The following DOCK1 variants were observed in gnomAD, a reference collection of about 807,000 sequenced individuals.
The protein encoded by DOCK1 is dedicator of cytokinesis protein 1.
In DOCK1, 138 loss-of-function variants were observed where a neutral mutation model predicts 262.7. The observed-to-expected ratio is 0.53, with a 90% CI of 0.46 to 0.61. The LOEUF is 0.61. Ranked by LOEUF, DOCK1 falls within the 20% of genes least tolerant of loss-of-function variation. DOCK1 has a pLI of 0.00. For synonymous variants in DOCK1, 866 were observed against 867.4 expected (o/e 1.00, Z 0.03); for missense variants, 1,908 against 2,370.7 (o/e 0.80, Z 4.05).
intron 1 of DOCK1, among the ~76,000 whole-genome samples, chr10:126,923,625 AAAC>A (rs1393910477): frequency 1.3e-5 from 2 of 152,228 alleles, no homozygotes; most frequent in African/African-American, 4.8e-5. Context: ...CTCTGTTTCA[AAAC>A]AACAACAAAA....
chr10:127,102,775 A>C (rs1412018310), intron 23 of DOCK1, among the ~76,000 whole-genome samples: 4 of 152,176 alleles, frequency 2.6e-5, no homozygotes, highest in Non-Finnish European at 5.9e-5. Flanking sequence ...GGGGGGTGGA[A>C]GTTGTAGTGA....
Position 127,238,658 on chromosome 10 carries a change from A to G in DOCK1, c.2848-9350A>G, listed in dbSNP as rs565997002. On this transcript the variant is annotated intron_variant, in intron 27 of 51. Coordinates refer to ENST00000623213, the MANE Select transcript of DOCK1 (RefSeq NM_001290223.2). ...TCATTTTGATATTCAGATTGTCTCAAGCATCCCACACGTGGCCAGGGGAGC... is the reference window on the plus strand; with the variant it reads ...TCATTTTGATATTCAGATTGTCTCAGGCATCCCACACGTGGCCAGGGGAGC... Among the ~76,000 whole-genome samples the G allele has an allele frequency of 3.6e-4, 55 of 152,222 alleles. No individual in the cohort carries two copies. In the South Asian group the frequency reaches 0.01, roughly 29 times the overall value.
At chr10:127,150,882 T>A (rs2052421184) in intron 27 of DOCK1, among the ~76,000 whole-genome samples, 2 of 152,222 alleles carry the variant, frequency 1.3e-5, no homozygotes, top group South Asian at 4.1e-4. Flanking sequence ...TCATGGCAGA[T>A]CATTTGAAAC....
At chr10:127,332,458 C>G (rs1564998959) in intron 29 of DOCK1, among the ~76,000 whole-genome samples, 1 of 152,188 alleles carries the variant, frequency 6.6e-6, no homozygotes, top group South Asian at 2.1e-4. Context: ...GCTCCTGACC[C>G]CAGAGGTCCC....
chr10:127,444,970 A>G (rs1208735524), intron 50 of DOCK1, among the ~76,000 whole-genome samples: 3 of 151,580 alleles, frequency 2.0e-5, no homozygotes, highest in Non-Finnish European at 4.4e-5. Context: ...CTCTTCTTAC[A>G]AGGACATCAG....
intron 27 of DOCK1, among the ~76,000 whole-genome samples, chr10:127,239,821 C>G (rs1196625407): frequency 6.6e-6 from 1 of 152,050 alleles, no homozygotes; most frequent in Non-Finnish European, 1.5e-5. Flanking sequence ...GCTTTGCTGT[C>G]TTGCTTTAGG....
chr10:127,082,959 C>G (rs1195462819), intron 23 of DOCK1, among the ~76,000 whole-genome samples: 2 of 152,192 alleles, frequency 1.3e-5, no homozygotes, highest in Non-Finnish European at 2.9e-5. Context: ...CTGTTCTCTT[C>G]CTGTCTTCCA....
chr10:127,031,276 T>C (rs889901119), intron 16 of DOCK1, among the ~76,000 whole-genome samples: 1 of 152,192 alleles, frequency 6.6e-6, no homozygotes, highest in African/African-American at 2.4e-5. Context: ...GTCTTTCTCA[T>C]TGTCATTTTA....
chr10:127,151,553 A>T (rs2052483146), intron 27 of DOCK1, among the ~76,000 whole-genome samples: 1 of 152,154 alleles, frequency 6.6e-6, no homozygotes, highest in Non-Finnish European at 1.5e-5. Flanking sequence ...TCTCCCATTT[A>T]TAAGGGGGTG....
At chr10:126,918,544 C>T (rs77592778) in intron 1 of DOCK1, among the ~76,000 whole-genome samples, 1 of 152,238 alleles carries the variant, frequency 6.6e-6, no homozygotes, top group Non-Finnish European at 1.5e-5. Context: ...CTGTACCTTG[C>T]TGGATACTTA....
At chr10:127,356,786 C>G (rs777228460) in intron 32 of DOCK1, among the ~76,000 whole-genome samples, 1 of 152,156 alleles carries the variant, frequency 6.6e-6, no homozygotes, top group African/African-American at 2.4e-5. Context: ...CAGACCTCTT[C>G]TCTGGACACA....
At chr10:127,366,457 A>T (rs1565030819) in intron 33 of DOCK1, among the ~76,000 whole-genome samples, 1 of 152,058 alleles carries the variant, frequency 6.6e-6, no homozygotes, top group East Asian at 1.9e-4. Flanking sequence ...CCTCCGTGGC[A>T]GTCGGTTGTG....
At chr10:127,359,595 A>C (rs11017544) in intron 32 of DOCK1, among the ~76,000 whole-genome samples, 41,770 of 152,190 alleles carry the variant, frequency 0.27, 6,628 homozygotes, top group African/African-American at 0.43. Context: ...CAGTTACAGG[A>C]CTTTCAGAAA....
Position 127,175,634 on chromosome 10 carries a change from G to A in DOCK1, c.2847+47870G>A. On this transcript the variant is annotated intron_variant, in intron 27 of 51. Coordinates refer to ENST00000623213, the MANE Select transcript of DOCK1 (RefSeq NM_001290223.2). The surrounding 1 kb of genome is among the most constrained non-coding windows in gnomAD (Gnocchi z 6.3). ...CACTGAGGGCAGGTGCGTAAACGGT[G>A]GCAACCTCCGTTTTAAACACCCTCC... The A allele has an allele frequency of 1.2e-6, 2 of 1,613,216 alleles. No homozygotes were observed. The highest frequency in any genetic ancestry group is 1.1e-5 in the South Asian group (1 of 91,082).
At chr10:126,973,268 G>A (rs61875503) in intron 2 of DOCK1, among the ~76,000 whole-genome samples, 6,675 of 150,298 alleles carry the variant, frequency 0.044, 198 homozygotes, top group Middle Eastern at 0.1. Context: ...TCGCTCTGTC[G>A]CCCGGGCTGG....
At chr10:127,170,270 C>T (rs1024145799) in intron 27 of DOCK1, among the ~76,000 whole-genome samples, 6 of 152,062 alleles carry the variant, frequency 3.9e-5, no homozygotes. Context: ...GTCACAAAGC[C>T]CCGAAGCCTC....
Position 126,905,530 on chromosome 10 carries a change from G to T in DOCK1, c.13G>T (p.Val5Leu). ...CTCCGGCGGCGCCATGACGCGCTGG[G>T]TGCCCACCAAGCGCGAGGAGAAGTA... MTRW[V>L]PTKREEKYGV... The change falls in exon 1 of 52, where the codon GTG (valine) becomes TTG (leucine). Residue 5 changes from valine to leucine, a missense_variant. By Grantham distance (32) the Val-to-Leu change is conservative. This residue lies in a region of DOCK1 where 227 missense variants were observed against 254.1 expected (regional missense o/e 0.89). Transcript: ENST00000623213. The T allele has an allele frequency of 5.7e-6, 3 of 524,200 alleles. No homozygotes were observed. The allele number at this position is 524,200 out of a possible 1,614,324, so 32.5% of individuals were successfully genotyped here.
At chr10:127,007,679 A>T (rs2041136808) in intron 10 of DOCK1, 1 of 152,250 alleles carries the variant, frequency 6.6e-6, no homozygotes, top group Admixed American at 6.5e-5. Flanking sequence ...AAGATGGCAA[A>T]GGATATTAGC....
chr10:127,105,119 C>T (rs1181085606), intron 23 of DOCK1, among the ~76,000 whole-genome samples: 1 of 152,184 alleles, frequency 6.6e-6, no homozygotes, highest in Non-Finnish European at 1.5e-5. Context: ...GCGCAATTCC[C>T]TTGCACAAAC....
Sources: gnomAD v4.1 joint callset for allele counts (sites outside exome capture counted in the v4.1 genomes callset) on GRCh38, gnomAD v4.1.1 for gene constraint, gnomAD v4.1.1 regional missense constraint, Gnocchi (gnomAD v3.1) non-coding constraint, MANE v1.5 for transcripts, NCBI Gene and HGNC (gene_info 2026-07-23, HGNC 2026-07-21) for gene names.